The following DCDC2 variants were observed in gnomAD, a reference collection of about 807,000 sequenced individuals.
The protein encoded by DCDC2 is doublecortin domain-containing protein 2.
Under a neutral mutation model 50.2 loss-of-function variants are expected in DCDC2, and 40 were observed. The ratio of observed to expected loss-of-function variants is 0.80; its 90% CI spans 0.62 to 1.04. DCDC2 has a LOEUF of 1.04. Among genes scored for constraint, DCDC2 ranks in the 50% least tolerant of loss-of-function variants. DCDC2 has a pLI of 0.00. For missense variants in DCDC2, 570 were observed against 581.9 expected (o/e 0.98, Z 0.21); for synonymous variants, 234 against 210.6 (o/e 1.11, Z -0.96).
At chr6:24,364,553 T>C in the DCDC2 span, among the ~76,000 whole-genome samples, 3 of 152,218 alleles carry the variant, frequency 2.0e-5, no homozygotes, top group African/African-American at 7.2e-5. Context: ...AGGAAAAGGA[T>C]TGTGTTCATT....
intron 7 of DCDC2, among the ~76,000 whole-genome samples, chr6:24,239,322 T>C (rs1054663292): frequency 1.3e-5 from 2 of 152,082 alleles, no homozygotes; most frequent in African/African-American, 4.8e-5. Flanking sequence ...GGACCCAAGG[T>C]CCTCATAGAA....
In DCDC2 at chr6:24,171,797, T is replaced by A. The variant is rs369093030; in HGVS notation, c.*2933A>T. 2.0e-5 allele frequency: 3 copies of A among 152,210 alleles called. No homozygotes were observed. The highest frequency in any genetic ancestry group is 4.4e-5 in the Non-Finnish European group (3 of 68,036). 9.4% of individuals were successfully genotyped at this position (152,210 alleles called of 1,614,324 possible). On this transcript the variant is annotated 3_prime_UTR_variant, in exon 10 of 10. Transcript: ENST00000378454. ...TTCTTTATTTGCTCTGTAAAACTCT[T>A]AATGCCCCAATTTTACTAACAAACC...
upstream of DCDC2, among the ~76,000 whole-genome samples, chr6:24,361,398 C>T (rs1760664219): frequency 6.6e-6 from 1 of 151,472 alleles, no homozygotes; most frequent in Non-Finnish European, 1.5e-5. Context: ...TATAACAAAT[C>T]TGCACATGTA....
chr6:24,254,699 C>T (rs572983047), intron 7 of DCDC2, among the ~76,000 whole-genome samples: 1 of 152,184 alleles, frequency 6.6e-6, no homozygotes, highest in Admixed American at 6.5e-5. Flanking sequence ...AAATTAAAAC[C>T]ATCACGTAAC....
the DCDC2 span, among the ~76,000 whole-genome samples, chr6:24,373,972 C>T: frequency 6.6e-6 from 1 of 151,718 alleles, no homozygotes; most frequent in Non-Finnish European, 1.5e-5. Context: ...ACCATCCTGG[C>T]TAACACAGTG....
At chr6:24,222,936 A>T (rs1407718640) in intron 7 of DCDC2, among the ~76,000 whole-genome samples, 2 of 152,204 alleles carry the variant, frequency 1.3e-5, no homozygotes, top group Admixed American at 1.3e-4. Flanking sequence ...CTTTTTCAGC[A>T]AATAGCTGAA....
intron 7 of DCDC2, among the ~76,000 whole-genome samples, chr6:24,234,412 G>C (rs908437866): frequency 1.3e-5 from 2 of 152,152 alleles, no homozygotes; most frequent in African/African-American, 4.8e-5. Context: ...TGGCGGGTTT[G>C]CAGCATGTGA....
chr6:24,296,913 A>G (rs1759261469), intron 4 of DCDC2, among the ~76,000 whole-genome samples: 1 of 152,218 alleles, frequency 6.6e-6, no homozygotes, highest in Non-Finnish European at 1.5e-5. Flanking sequence ...GCAATTCCTC[A>G]GAGAGCTAAA....
chr6:24,318,871 G>A (rs895652869), intron 2 of DCDC2, among the ~76,000 whole-genome samples: 2 of 151,896 alleles, frequency 1.3e-5, no homozygotes, highest in African/African-American at 4.8e-5. Flanking sequence ...CTCTGCTATT[G>A]TGAATAGTGC....
chr6:24,332,261 G>A (rs1759981249), intron 2 of DCDC2, among the ~76,000 whole-genome samples: 1 of 133,012 alleles, frequency 7.5e-6, no homozygotes, highest in Admixed American at 7.2e-5. Context: ...GGACTGCCTG[G>A]AAGAATAAAT....
At chr6:24,279,889 A>G (rs545145563) in intron 6 of DCDC2, among the ~76,000 whole-genome samples, 1 of 152,342 alleles carries the variant, frequency 6.6e-6, no homozygotes, top group East Asian at 1.9e-4. Context: ...TGGAGTGACT[A>G]GTACAGTGCG....
chr6:24,298,935 C>T (rs1055353347), intron 4 of DCDC2, among the ~76,000 whole-genome samples: 1 of 152,110 alleles, frequency 6.6e-6, no homozygotes, highest in Non-Finnish European at 1.5e-5. Context: ...TTTGCTTATA[C>T]AAAAAGACAT....
chr6:24,360,782 A>C (rs1444117812), upstream of DCDC2, among the ~76,000 whole-genome samples: 1 of 152,218 alleles, frequency 6.6e-6, no homozygotes, highest in Non-Finnish European at 1.5e-5. Flanking sequence ...ATTGAACACT[A>C]TAACCATGGA....
At chr6:24,308,357 A>G (rs1759511549) in intron 2 of DCDC2, among the ~76,000 whole-genome samples, 1 of 152,212 alleles carries the variant, frequency 6.6e-6, no homozygotes, top group Non-Finnish European at 1.5e-5. Flanking sequence ...AACTAAATCT[A>G]ACTAAAACGG....
chr6:24,358,950 ATT>A (rs1760564567), upstream of DCDC2, among the ~76,000 whole-genome samples: 17 of 62,494 alleles, frequency 2.7e-4, no homozygotes, highest in South Asian at 5.2e-3. Flanking sequence ...TATATTATAT[ATT>A]ATATATTATA....
At chr6:24,260,136 A>G (rs1479890267) in intron 7 of DCDC2, among the ~76,000 whole-genome samples, 2 of 152,182 alleles carry the variant, frequency 1.3e-5, no homozygotes, top group Non-Finnish European at 2.9e-5. Flanking sequence ...GATCTTCCTT[A>G]AACTTTTTCA....
chr6:24,246,427 A>G (rs780805701), intron 7 of DCDC2, among the ~76,000 whole-genome samples: 2 of 151,236 alleles, frequency 1.3e-5, no homozygotes, highest in African/African-American at 2.4e-5. Context: ...TATTCACTTA[A>G]TGAACCTCAT....
At chr6:24,247,305 T>C (rs1397586415) in intron 7 of DCDC2, among the ~76,000 whole-genome samples, 2 of 151,746 alleles carry the variant, frequency 1.3e-5, no homozygotes, top group Admixed American at 6.6e-5. Context: ...CCTTGTTTTC[T>C]TGGATATATA....
chr6:24,216,631 A>G (rs1297441379), intron 7 of DCDC2, among the ~76,000 whole-genome samples: 1 of 152,264 alleles, frequency 6.6e-6, no homozygotes, highest in Non-Finnish European at 1.5e-5. Flanking sequence ...GTCAGGGATG[A>G]AAGGGGATTA....
Sources: gnomAD v4.1 joint callset for allele counts (sites outside exome capture counted in the v4.1 genomes callset) on GRCh38, gnomAD v4.1.1 for gene constraint, MANE v1.5 for transcripts, NCBI Gene and HGNC (gene_info 2026-07-23, HGNC 2026-07-21) for gene names.